Variants in CAPN12 observed in about 807,000 individuals in gnomAD.
CAPN12 encodes the protein calpain-12.
CAPN12 carries 107 observed loss-of-function variants against 95.0 expected under a neutral mutation model. The ratio of observed to expected loss-of-function variants is 1.13; its 90% CI spans 0.96 to 1.32. The LOEUF is 1.32. Ranked by LOEUF, CAPN12 falls within the 40% of genes most tolerant of loss-of-function variation. The pLI is 0.00. For missense variants in CAPN12, 1,136 were observed against 997.8 expected (o/e 1.14, Z -1.87); for synonymous variants, 505 against 415.5 (o/e 1.22, Z -2.62).
chr19:38,739,598 C>T (rs1244557033), intron 5 of CAPN12: 1 of 153,736 alleles, frequency 6.5e-6, no homozygotes, highest in African/African-American at 2.4e-5. Flanking sequence ...AGGAGTTAGA[C>T]CAACTCAGTG....
Position 38,741,859 on chromosome 19 carries a change from C to CG in CAPN12, c.477dup (p.Val160ArgfsTer3). The CG allele has an allele frequency of 6.2e-7, 1 of 1,614,030 alleles. No individual in the cohort carries two copies. ...ACGAACATCAGCTTCCCCTCACGCA[C>CG]GGGCAGCCTGTCATCCACCACGACG... On this transcript the variant is annotated frameshift_variant, in exon 4 of 21. Coordinates refer to ENST00000328867, the MANE Select transcript of CAPN12 (RefSeq NM_144691.4). LOFTEE classifies it high-confidence loss of function.
Position 38,738,405 on chromosome 19 carries a change from A to G in CAPN12, c.890+13T>C, listed in dbSNP as rs763189146. 9 of 1,601,148 alleles carry G rather than the reference A, an allele frequency of 5.6e-6. No homozygotes were observed. The Admixed American group carries it at 1.5e-4, about 27-fold the overall frequency. On this transcript the variant is annotated intron_variant, in intron 7 of 20. Transcript: ENST00000328867. ...TGGGGTCCAGCCCCACACCCACCCC[A>G]GACCCATCCCACCTGTCGCTCCAGG...
Position 38,730,261 on chromosome 19 carries a change from T to G in CAPN12, c.*591A>C, listed in dbSNP as rs532185985. On this transcript the variant is annotated 3_prime_UTR_variant, in exon 21 of 21. Coordinates refer to ENST00000328867, the MANE Select transcript of CAPN12 (RefSeq NM_144691.4). The stretch of plus-strand genomic sequence containing the variant: ...ATATATATTCACCTAGCAACATATC[T>G]CTGCCGTCTCTCCTGCTCTCATAAT... 3 of 158,522 alleles carry G rather than the reference T, an allele frequency of 1.9e-5. No individual in the cohort carries two copies. The East Asian group carries it at 5.7e-4, about 30-fold the overall frequency. The allele number at this position is 158,522 out of a possible 1,614,324, so 9.8% of individuals were successfully genotyped here.
Position 38,736,193 on chromosome 19 carries a change from G to A in CAPN12, c.1500C>T (p.Tyr500=), listed in dbSNP as rs1377660969. Residue 500 remains tyrosine, a synonymous_variant, in exon 12 of 21, where the codon TAC becomes TAT. Coordinates refer to ENST00000328867, the MANE Select transcript of CAPN12 (RefSeq NM_144691.4). ...TRRCCLRPGH[Y]LVVPSTAHAG... ...CGTGGGCGGTGCTCGGCACCACCAG[G>A]TAGTGGCCTGGACGCAGGCAGCAGC... 6.6e-7 allele frequency: 1 copy of A among 1,513,284 alleles called. No homozygotes were observed. Among genetic ancestry groups the A allele is most frequent in the Non-Finnish European group, 8.8e-7 (1 of 1,135,166 alleles). The allele number at this position is 1,513,284 out of a possible 1,614,324, so 93.7% of individuals were successfully genotyped here. A position where few individuals can be genotyped will look rare whatever the true frequency, so the allele number is the denominator to read the frequency against.
Position 38,736,294 on chromosome 19 carries a change from G to T in CAPN12, c.1399C>A (p.Arg467Ser), listed in dbSNP as rs1015673755. The change falls in exon 12 of 21, where the codon CGC (arginine) becomes AGC (serine). Residue 467 changes from arginine to serine, a missense_variant. Arg to Ser is a moderately radical substitution (Grantham distance 110). Transcript: ENST00000328867. The stretch of plus-strand genomic sequence containing the variant: ...AGCCGGGGCAGGAGCGCATGGCTGC[G>T]CGGGGAATCCCAGAGGCCCAGCAGC... ...EELLGLWDSP[R>S]SHALLPRLLR... is the part of the protein sequence containing the mutation. The T allele has an allele frequency of 1.1e-5, 16 of 1,441,538 alleles. No individual in the cohort carries two copies. The highest frequency in any genetic ancestry group is 1.5e-5 in the African/African-American group (1 of 67,128). 89.3% of individuals were successfully genotyped at this position (1,441,538 alleles called of 1,614,324 possible). A position where few individuals can be genotyped will look rare whatever the true frequency, so the allele number is the denominator to read the frequency against.
In CAPN12 at chr19:38,744,282, C is replaced by T. The variant is rs1970760779; in HGVS notation, c.-117G>A. The T allele has an allele frequency of 8.5e-6, 8 of 944,496 alleles. No homozygotes were observed. The East Asian group carries it at 9.7e-5, about 11-fold the overall frequency. 58.5% of individuals were successfully genotyped at this position (944,496 alleles called of 1,614,324 possible). On this transcript the variant is annotated 5_prime_UTR_variant, in exon 1 of 21. Transcript: ENST00000328867. ...CTTTAGGCAATGAGGAGCCTTCCCTCGTTAATATTAATTGATGGTTTGGGG... is the reference window on the plus strand; with the variant it reads ...CTTTAGGCAATGAGGAGCCTTCCCTTGTTAATATTAATTGATGGTTTGGGG...
chr19:38,733,979 G>C (rs1183859025), intron 17 of CAPN12, 163 bp downstream of exon 17: 2 of 833,612 alleles, frequency 2.4e-6, no homozygotes, highest in African/African-American at 3.4e-5. Flanking sequence ...CAGAGGACAA[G>C]CTGAGGCTGG....
At chr19:38,736,960 C>CA (rs1281675774) in intron 10 of CAPN12, 196 bp downstream of exon 10, 7 of 163,980 alleles carry the variant, frequency 4.3e-5, no homozygotes, top group Non-Finnish European at 7.7e-5. Flanking sequence ...GGCCCTGCTC[C>CA]TCCACTCCTC....
At chr19:38,731,273 G>A (rs775964034) in intron 18 of CAPN12, 50 bp from the exon 19 acceptor site, 5 of 1,436,514 alleles carry the variant, frequency 3.5e-6, no homozygotes, top group South Asian at 1.1e-5. Flanking sequence ...AACCCACCTT[G>A]GCATTGCATC....
rs913009620 is a variant in CAPN12, at chr19:38,736,691, C to T, written c.1363-128G>A. 3.4e-6 allele frequency: 4 copies of T among 1,190,678 alleles called. No individual in the cohort carries two copies. In the African/African-American group the frequency reaches 6.2e-5, roughly 18 times the overall value. 73.8% of individuals were successfully genotyped at this position (1,190,678 alleles called of 1,614,324 possible). On this transcript the variant is annotated intron_variant, in intron 10 of 20. Transcript: ENST00000328867. ...TTCGTCCTATTAGACCCTTATTGAA[C>T]CTTTGCCCCGCAGTCCCCGACCCAG...
In CAPN12 at chr19:38,744,427, T is replaced by A; in HGVS notation, c.-262A>T. ...CAGCAGGAGAGAAGGCGGGCAGAGC[T>A]GAGGGAGGACCGGCTGCCGCTGTCA... On this transcript the variant is annotated 5_prime_UTR_variant, in exon 1 of 21. Coordinates refer to ENST00000328867, the MANE Select transcript of CAPN12 (RefSeq NM_144691.4). 1.8e-6 allele frequency: 1 copy of A among 552,016 alleles called. No homozygotes were observed. Among genetic ancestry groups the A allele is most frequent in the East Asian group, 3.1e-5 (1 of 31,898 alleles). 34.2% of individuals were successfully genotyped at this position (552,016 alleles called of 1,614,324 possible).
At position 38,734,805 on chromosome 19, in the gene CAPN12, C is replaced by G. The variant is rs748930102; in HGVS notation, c.1744+8G>C. 6.2e-7 allele frequency: 1 copy of G among 1,612,214 alleles called. No homozygotes were observed. Among genetic ancestry groups the G allele is most frequent in the Non-Finnish European group, 8.5e-7 (1 of 1,179,592 alleles). On this transcript the variant is annotated splice_region_variant and intron_variant, in intron 15 of 20. Coordinates refer to ENST00000328867, the MANE Select transcript of CAPN12 (RefSeq NM_144691.4). ...CCCCTCCTCCTGCCCCTATCCCAGC[C>G]AACTCACCAGGCTCCAGGGCAATGC...
chr19:38,743,891 C>T (rs1453570999), intron 1 of CAPN12, 38 bp downstream of exon 1: 2 of 1,598,514 alleles, frequency 1.3e-6, no homozygotes, highest in Non-Finnish European at 1.7e-6. Flanking sequence ...GCCCCTCCTC[C>T]CTCAGACCCC....
At chr19:38,738,701 C>A in intron 5 of CAPN12, 53 bp from the exon 6 acceptor site, 1 of 1,560,180 alleles carries the variant, frequency 6.4e-7, no homozygotes, top group Non-Finnish European at 8.8e-7. Context: ...AGGGCAGCTG[C>A]TCCTCCCTGC....
Position 38,730,588 on chromosome 19 carries a change from G to A in CAPN12, c.*264C>T. The stretch of plus-strand genomic sequence containing the variant: ...TGTGTCTGTCCTCCACCTTCTAGGA[G>A]AGCCAGGGCAGAGCTAGCACTGTCT... On this transcript the variant is annotated 3_prime_UTR_variant, in exon 21 of 21. Transcript: ENST00000328867. 3.6e-6 allele frequency: 2 copies of A among 562,666 alleles called. No homozygotes were observed. The highest frequency in any genetic ancestry group is 6.4e-6 in the Non-Finnish European group (2 of 314,912). 34.9% of individuals were successfully genotyped at this position (562,666 alleles called of 1,614,324 possible). A position where few individuals can be genotyped will look rare whatever the true frequency, so the allele number is the denominator to read the frequency against.
rs1426735191 is a variant in CAPN12, at chr19:38,741,046, A to G, written c.560+731T>C. Among the ~76,000 whole-genome samples, 3 of 152,018 alleles carry G rather than the reference A, an allele frequency of 2.0e-5. 1 individual carries two copies. The highest frequency in any genetic ancestry group is 4.4e-5 in the Non-Finnish European group (3 of 68,004). On this transcript the variant is annotated intron_variant, in intron 4 of 20. Transcript: ENST00000328867. Reference sequence around the variant, plus strand: ...AATTTCAGAGCCTCAGAATGGGGAAAAGGCAAAGATTTGAGGGTCCCAGGG... The same window carrying G: ...AATTTCAGAGCCTCAGAATGGGGAAGAGGCAAAGATTTGAGGGTCCCAGGG...
Position 38,744,315 on chromosome 19 carries a change from G to T in CAPN12, c.-150C>A. The T allele has an allele frequency of 1.3e-6, 1 of 741,638 alleles. No individual in the cohort carries two copies. Among genetic ancestry groups the T allele is most frequent in the Non-Finnish European group, 2.2e-6 (1 of 448,454 alleles). 45.9% of individuals were successfully genotyped at this position (741,638 alleles called of 1,614,324 possible). On this transcript the variant is annotated 5_prime_UTR_variant, in exon 1 of 21. Coordinates refer to ENST00000328867, the MANE Select transcript of CAPN12 (RefSeq NM_144691.4). ...TTAATTGATGGTTTGGGGTGCTGGG[G>T]AGCAGGGACGCCTCTTCAGTAGCTT...
At chr19:38,740,623 A>C (rs1229773839) in intron 4 of CAPN12, among the ~76,000 whole-genome samples, 1 of 151,970 alleles carries the variant, frequency 6.6e-6, no homozygotes, top group African/African-American at 2.4e-5. Context: ...AATACGGTGA[A>C]ACCCCGTCTC....
chr19:38,732,251 G>A (rs1010846558), intron 18 of CAPN12, among the ~76,000 whole-genome samples: 7 of 152,180 alleles, frequency 4.6e-5, no homozygotes, highest in East Asian at 3.8e-4. Flanking sequence ...GTCTATCTCC[G>A]GCCCAGCCTC....
Sources: gnomAD v4.1 joint callset for allele counts (sites outside exome capture counted in the v4.1 genomes callset) on GRCh38, gnomAD v4.1.1 for gene constraint, MANE v1.5 for transcripts, NCBI Gene and HGNC (gene_info 2026-07-23, HGNC 2026-07-21) for gene names.